AGBL4: variants seen among roughly 807,000 people sequenced by gnomAD.
AGBL4 encodes AGBL carboxypeptidase 4, also known as cytosolic carboxypeptidase 6.
AGBL4 carries 58 observed loss-of-function variants against 66.4 expected under a neutral mutation model. That is an observed-to-expected ratio of 0.87 (90% CI 0.71 to 1.09). The LOEUF is 1.09. Ranked by LOEUF, AGBL4 falls within the 50% of genes least tolerant of loss-of-function variation. The pLI is 0.00. For synonymous variants in AGBL4, 234 were observed against 222.9 expected (o/e 1.05, Z -0.44); for missense variants, 579 against 631.0 (o/e 0.92, Z 0.88).
At chr1:49,797,831 C>T (rs1021224834) in intron 2 of AGBL4, among the ~76,000 whole-genome samples, 9 of 151,660 alleles carry the variant, frequency 5.9e-5, no homozygotes, top group East Asian at 5.8e-4. Context: ...AGTGCAATGG[C>T]GCGGTCACTG....
At chr1:48,953,853 C>T (rs1657205365) in intron 5 of AGBL4, among the ~76,000 whole-genome samples, 3 of 152,170 alleles carry the variant, frequency 2.0e-5, no homozygotes, top group Admixed American at 1.3e-4. Context: ...GCAGGAACAA[C>T]GTGCTTGGCA....
chr1:49,075,483 A>C (rs572802825), intron 4 of AGBL4, among the ~76,000 whole-genome samples: 2 of 152,326 alleles, frequency 1.3e-5, no homozygotes, highest in Admixed American at 6.5e-5. Flanking sequence ...ATGAAACCTG[A>C]AAATTTTTTT....
At position 49,757,350 on chromosome 1, in the gene AGBL4, C is replaced by G. The variant is rs561587768; in HGVS notation, c.158-59913G>C. On this transcript the variant is annotated intron_variant, in intron 2 of 13. Transcript: ENST00000371839. The stretch of plus-strand genomic sequence containing the variant: ...AATGAACTAATACAGTAAATTGGTA[C>G]TGCAGAGAGTGGGGTACTGCTATAA... Among the ~76,000 whole-genome samples, 5 of 152,294 alleles carry G rather than the reference C, an allele frequency of 3.3e-5. No individual in the cohort carries two copies. The South Asian group carries it at 1.0e-3, about 32-fold the overall frequency.
chr1:49,642,785 A>T (rs1558126212), intron 3 of AGBL4, among the ~76,000 whole-genome samples: 2 of 152,028 alleles, frequency 1.3e-5, no homozygotes, highest in African/African-American at 4.8e-5. Flanking sequence ...TGCTGATAAC[A>T]TTTAACAGTT....
At chr1:49,962,295 G>A (rs190762385) in intron 1 of AGBL4, among the ~76,000 whole-genome samples, 155 of 152,188 alleles carry the variant, frequency 1.0e-3, no homozygotes, top group Non-Finnish European at 1.5e-5. Context: ...CTGACTTCCT[G>A]ATAAGTTAAT....
intron 10 of AGBL4, among the ~76,000 whole-genome samples, chr1:48,588,381 T>C (rs1288050054): frequency 6.6e-6 from 1 of 152,220 alleles, no homozygotes; most frequent in Admixed American, 6.5e-5. Flanking sequence ...GAGTACATGA[T>C]GTCAGGCAAG....
intron 2 of AGBL4, among the ~76,000 whole-genome samples, chr1:49,748,445 A>G (rs929767378): frequency 6.6e-5 from 10 of 152,120 alleles, no homozygotes; most frequent in African/African-American, 4.8e-5. Context: ...AACCTTAGCT[A>G]TTGTGAATAC....
At chr1:49,583,799 C>T (rs1196436883) in intron 3 of AGBL4, among the ~76,000 whole-genome samples, 1 of 152,152 alleles carries the variant, frequency 6.6e-6, no homozygotes, top group Non-Finnish European at 1.5e-5. Flanking sequence ...CGTCCTCTGT[C>T]AGCAACCACC....
intron 10 of AGBL4, among the ~76,000 whole-genome samples, chr1:48,587,663 G>C (rs1193806599): frequency 6.7e-6 from 1 of 149,354 alleles, no homozygotes; most frequent in Non-Finnish European, 1.5e-5. Context: ...TATTTTTTGA[G>C]ATGAAGTCTC....
In AGBL4 at chr1:48,940,436, A is replaced by G. The variant is rs139332171; in HGVS notation, c.595-73206T>C. Among the ~76,000 whole-genome samples, 1,133 of 152,296 alleles carry G rather than the reference A, an allele frequency of 7.4e-3. 4 individuals are homozygous for G. The highest frequency in any genetic ancestry group is 0.012 in the Non-Finnish European group (804 of 68,016). On this transcript the variant is annotated intron_variant, in intron 5 of 13. Coordinates refer to ENST00000371839, the MANE Select transcript of AGBL4 (RefSeq NM_032785.4). Reference sequence around the variant, plus strand: ...AGAGTTCAAGTGACGGGCTCAAAGTACACAGTAAGTAGTAGTGATGAGACC... The same window carrying G: ...AGAGTTCAAGTGACGGGCTCAAAGTGCACAGTAAGTAGTAGTGATGAGACC...
At chr1:48,826,298 A>C (rs1344607246) in intron 6 of AGBL4, among the ~76,000 whole-genome samples, 1 of 152,208 alleles carries the variant, frequency 6.6e-6, no homozygotes, top group Non-Finnish European at 1.5e-5. Context: ...AATTGGTAGG[A>C]TAATTAAACA....
At chr1:49,495,779 T>A (rs564868227) in intron 3 of AGBL4, among the ~76,000 whole-genome samples, 2 of 152,120 alleles carry the variant, frequency 1.3e-5, no homozygotes, top group Admixed American at 1.3e-4. Context: ...AAATTAAGGA[T>A]CAAAAATGTT....
chr1:49,318,121 C>G (rs539357376), intron 3 of AGBL4, among the ~76,000 whole-genome samples: 1 of 151,990 alleles, frequency 6.6e-6, no homozygotes, highest in African/African-American at 2.4e-5. Flanking sequence ...AGTCATGAAG[C>G]CCTAGGACCA....
At chr1:48,853,518 A>C (rs891297627) in intron 6 of AGBL4, among the ~76,000 whole-genome samples, 1 of 152,226 alleles carries the variant, frequency 6.6e-6, no homozygotes, top group African/African-American at 2.4e-5. Context: ...CATACATCAC[A>C]TCTAATCTTC....
intron 4 of AGBL4, among the ~76,000 whole-genome samples, chr1:49,215,026 G>A (rs1258285316): frequency 6.6e-6 from 1 of 152,050 alleles, no homozygotes; most frequent in Non-Finnish European, 1.5e-5. Context: ...ACTTGAGAAA[G>A]TAAAAAACTC....
At chr1:48,846,559 T>C (rs535573954) in intron 6 of AGBL4, among the ~76,000 whole-genome samples, 1 of 152,354 alleles carries the variant, frequency 6.6e-6, no homozygotes, top group African/African-American at 2.4e-5. Context: ...TTGCCTATAA[T>C]TCATTTAACT....
chr1:49,216,895 C>T (rs1421043119), intron 4 of AGBL4, among the ~76,000 whole-genome samples: 1 of 152,118 alleles, frequency 6.6e-6, no homozygotes, highest in Non-Finnish European at 1.5e-5. Flanking sequence ...ATTTGGGACC[C>T]ACTTGCAATA....
intron 6 of AGBL4, among the ~76,000 whole-genome samples, chr1:48,676,050 C>G (rs1417898040): frequency 3.9e-5 from 6 of 152,218 alleles, no homozygotes; most frequent in Non-Finnish European, 7.3e-5. Flanking sequence ...TCTACAAATT[C>G]TACCTCAGGT....
chr1:49,256,466 A>G (rs1333823872), intron 3 of AGBL4, among the ~76,000 whole-genome samples: 2 of 152,212 alleles, frequency 1.3e-5, no homozygotes, highest in Admixed American at 6.5e-5. Context: ...GATACCTATA[A>G]ATAAATGTAA....
Sources: allele counts gnomAD v4.1 joint callset (sites outside exome capture counted in the v4.1 genomes callset), GRCh38; gene constraint gnomAD v4.1.1; transcripts MANE v1.5; gene names NCBI Gene and HGNC (gene_info 2026-07-23, HGNC 2026-07-21).